Variants in CADM2 observed in about 807,000 individuals in gnomAD.
CADM2 encodes the protein cell adhesion molecule 2.
Under a neutral mutation model 49.8 loss-of-function variants are expected in CADM2, and 12 were observed. The ratio of observed to expected loss-of-function variants is 0.24; its 90% confidence interval spans 0.15 to 0.39. The LOEUF is 0.39. Among genes scored for constraint, CADM2 ranks in the 10% least tolerant of loss-of-function variants. The probability of loss-of-function intolerance (pLI) is 1.00; values close to 1 mark genes in which losing one functional copy is unlikely to be tolerated. For synonymous variants in CADM2, 214 were observed against 175.4 expected (o/e 1.22, Z -1.74); for missense variants, 378 against 492.3 (o/e 0.77, Z 2.20).
chr3:85,122,899 C>T (rs932803376), intron 1 of CADM2, among the ~76,000 whole-genome samples: 1 of 152,008 alleles, frequency 6.6e-6, no homozygotes, highest in African/African-American at 2.4e-5. Context: ...GAAATTATTC[C>T]TCTCAGAAAA....
At chr3:85,391,271 A>G (rs1054282404) in intron 1 of CADM2, among the ~76,000 whole-genome samples, 1 of 152,136 alleles carries the variant, frequency 6.6e-6, no homozygotes, top group Admixed American at 6.5e-5. Context: ...AGACTAAAAC[A>G]GAAAGACGGA....
chr3:85,461,351 G>A (rs2038235668), intron 1 of CADM2, among the ~76,000 whole-genome samples: 1 of 152,048 alleles, frequency 6.6e-6, no homozygotes, highest in African/African-American at 2.4e-5. Flanking sequence ...TAGGAGGAGA[G>A]GTAGTGAGGA....
rs536679484 is a variant in CADM2, at chr3:86,012,627, G to A, written c.970+50980G>A. ...ACGCAGTCCGACCTGGCCTTCTTCA[G>A]GTTCCCGCGGGACCCGGCCAGATGC... On this transcript the variant is annotated intron_variant, in intron 8 of 9. Coordinates refer to ENST00000383699, the MANE Select transcript of CADM2 (RefSeq NM_001167675.2). The A allele has an allele frequency of 3.2e-4, 510 of 1,575,020 alleles. 6 individuals are homozygous for A. In the South Asian group the frequency reaches 5.3e-3, roughly 16 times the overall value.
intron 1 of CADM2, among the ~76,000 whole-genome samples, chr3:85,503,035 A>G (rs576683825): frequency 1.3e-5 from 2 of 152,198 alleles, no homozygotes; most frequent in African/African-American, 4.8e-5. Flanking sequence ...AGATCCTCAG[A>G]TAGGTTCCCA....
intron 1 of CADM2, among the ~76,000 whole-genome samples, chr3:85,102,033 G>C (rs1417334771): frequency 6.6e-6 from 1 of 152,098 alleles, no homozygotes; most frequent in African/African-American, 2.4e-5. Context: ...TCACTCAGAA[G>C]TCAGCTTAAC....
chr3:85,979,074 TAA>T (rs1727145630), intron 8 of CADM2: 1 of 1,403,116 alleles, frequency 7.1e-7, no homozygotes, highest in Non-Finnish European at 9.8e-7. Context: ...TAAACCTCAA[TAA>T]GTTATATGTA....
At chr3:85,995,435 T>G (rs1729262074) in intron 8 of CADM2, among the ~76,000 whole-genome samples, 1 of 152,160 alleles carries the variant, frequency 6.6e-6, no homozygotes, top group Admixed American at 6.5e-5. Context: ...GGTATGATGA[T>G]ATATTCATCA....
intron 1 of CADM2, among the ~76,000 whole-genome samples, chr3:84,976,494 A>G (rs1201647805): frequency 6.6e-6 from 1 of 151,804 alleles, no homozygotes; most frequent in Non-Finnish European, 1.5e-5. Context: ...ATATAGAAAT[A>G]TAGAAATCTA....
chr3:85,025,755 A>G (rs780240318), intron 1 of CADM2, among the ~76,000 whole-genome samples: 39 of 152,158 alleles, frequency 2.6e-4, no homozygotes, highest in Non-Finnish European at 4.4e-4. Flanking sequence ...AAATGATAAT[A>G]GACGGAGTTT....
chr3:85,972,100 A>G (rs1221847784), intron 8 of CADM2, among the ~76,000 whole-genome samples: 1 of 151,610 alleles, frequency 6.6e-6, no homozygotes, highest in Admixed American at 6.6e-5. Context: ...CCTGGTGGTT[A>G]TCATTTAAGT....
intron 8 of CADM2, among the ~76,000 whole-genome samples, chr3:85,977,192 C>A (rs1273053901): frequency 6.6e-6 from 1 of 150,748 alleles, no homozygotes; most frequent in Non-Finnish European, 1.5e-5. Flanking sequence ...AAAACAAAAC[C>A]AAAATCCTGT....
chr3:85,500,063 A>T (rs1470855795), intron 1 of CADM2, among the ~76,000 whole-genome samples: 2 of 152,206 alleles, frequency 1.3e-5, no homozygotes, highest in South Asian at 4.1e-4. Flanking sequence ...CAGTAATTAC[A>T]GTTGTGAATA....
At chr3:85,524,898 T>G (rs2106918149) in intron 1 of CADM2, among the ~76,000 whole-genome samples, 1 of 152,320 alleles carries the variant, frequency 6.6e-6, no homozygotes, top group Middle Eastern at 3.4e-3. Flanking sequence ...ATTATATTCT[T>G]CATTCATGGT....
At chr3:85,259,140 G>A (rs2042956184) in intron 1 of CADM2, among the ~76,000 whole-genome samples, 1 of 152,124 alleles carries the variant, frequency 6.6e-6, no homozygotes, top group South Asian at 2.1e-4. Flanking sequence ...TTTGGGAAGT[G>A]CAGTTGTCTT....
At chr3:85,915,815 G>A (rs1296506355) in intron 6 of CADM2, among the ~76,000 whole-genome samples, 7 of 152,080 alleles carry the variant, frequency 4.6e-5, no homozygotes, top group Admixed American at 4.6e-4. Flanking sequence ...AGAACATTTA[G>A]CATTTCAGAT....
intron 1 of CADM2, among the ~76,000 whole-genome samples, chr3:85,320,324 T>C (rs2044567458): frequency 1.3e-5 from 2 of 152,230 alleles, no homozygotes; most frequent in East Asian, 3.8e-4. Flanking sequence ...AATTAAGTTT[T>C]TGTTTTCTCT....
chr3:85,774,439 C>T (rs2070257228), intron 2 of CADM2, among the ~76,000 whole-genome samples: 1 of 151,676 alleles, frequency 6.6e-6, no homozygotes, highest in South Asian at 2.1e-4. Context: ...GCAGAATGCA[C>T]AAGGAAATGT....
rs147089992 is a variant in CADM2, at chr3:85,083,086, C to T, written c.61+123418C>T. Among the ~76,000 whole-genome samples the T allele has an allele frequency of 2.8e-3, 433 of 152,142 alleles. 2 individuals are homozygous for T. The highest frequency in any genetic ancestry group is 0.01 in the African/African-American group (416 of 41,516). ...GTGTATATGTGTACTATACCATATA[C>T]ATATGTATATGTGTATTATATACAT... On this transcript the variant is annotated intron_variant, in intron 1 of 9. Coordinates refer to ENST00000383699, the MANE Select transcript of CADM2 (RefSeq NM_001167675.2).
chr3:85,333,264 T>C (rs2044986255), intron 1 of CADM2, among the ~76,000 whole-genome samples: 1 of 151,774 alleles, frequency 6.6e-6, no homozygotes, highest in Non-Finnish European at 1.5e-5. Flanking sequence ...AAAGTAATAA[T>C]CTTAATTACT....
Sources: allele counts gnomAD v4.1 joint callset (sites outside exome capture counted in the v4.1 genomes callset), GRCh38; gene constraint gnomAD v4.1.1; transcripts MANE v1.5; gene names NCBI Gene and HGNC (gene_info 2026-07-23, HGNC 2026-07-21).